PTPRD: variants seen among roughly 807,000 people sequenced by gnomAD.
The protein encoded by PTPRD is protein tyrosine phosphatase receptor type D.
Under a neutral mutation model 214.5 loss-of-function variants are expected in PTPRD, and 34 were observed. The ratio of observed to expected loss-of-function variants is 0.16; its 90% CI spans 0.12 to 0.21. PTPRD has a LOEUF of 0.21. PTPRD is among the 10% of genes least tolerant of loss of function. PTPRD has a pLI of 1.00. For synonymous variants in PTPRD, 1,128 were observed against 845.7 expected, an observed-to-expected ratio of 1.33 and a Z score of -5.79; for missense variants, 2,545 against 2,398.7, an observed-to-expected ratio of 1.06 and a Z score of -1.27.
chr9:9,113,168 G>T (rs1390832331), intron 10 of PTPRD, among the ~76,000 whole-genome samples: 2 of 151,594 alleles, frequency 1.3e-5, no homozygotes, highest in Non-Finnish European at 2.9e-5. Context: ...TAGAGATGGG[G>T]TCTCACTATG....
rs74342779 is a variant in PTPRD, at chr9:8,795,648, T to C, written c.-103-61702A>G. Among the ~76,000 whole-genome samples the C allele has an allele frequency of 6.8e-3, 1,036 of 151,738 alleles. 8 individuals carry two copies. The highest frequency in any genetic ancestry group is 0.023 in the African/African-American group (949 of 41,494). ...ATCATTTATCACTATCTCAGTAATA[T>C]TTTCATCATAGCCCACGTAAGAATA... On this transcript the variant is annotated intron_variant, in intron 11 of 45. Coordinates refer to ENST00000381196, the MANE Select transcript of PTPRD (RefSeq NM_002839.4).
At chr9:10,033,046 C>A (rs2154133559) in intron 4 of PTPRD, among the ~76,000 whole-genome samples, 1 of 151,460 alleles carries the variant, frequency 6.6e-6, no homozygotes, top group Admixed American at 6.6e-5. Context: ...TAACTAATGG[C>A]AACCTGGATG....
chr9:10,226,469 T>C (rs1333991371), intron 3 of PTPRD, among the ~76,000 whole-genome samples: 1 of 151,964 alleles, frequency 6.6e-6, no homozygotes, highest in Non-Finnish European at 1.5e-5. Context: ...GAAACTCTCC[T>C]AGATCCAGAG....
chr9:9,769,929 G>A (rs1021509216), intron 5 of PTPRD, among the ~76,000 whole-genome samples: 3 of 152,106 alleles, frequency 2.0e-5, no homozygotes, highest in African/African-American at 7.2e-5. Flanking sequence ...TCCCTGCAAA[G>A]GACATGAACT....
chr9:8,711,498 A>T (rs2098331942), intron 12 of PTPRD, among the ~76,000 whole-genome samples: 1 of 152,194 alleles, frequency 6.6e-6, no homozygotes, highest in South Asian at 2.1e-4. Context: ...ATCTTATATT[A>T]CTCAAATTAC....
At chr9:10,497,904 G>A (rs117640386) in intron 2 of PTPRD, among the ~76,000 whole-genome samples, 1 of 151,892 alleles carries the variant, frequency 6.6e-6, no homozygotes, top group Non-Finnish European at 1.5e-5. Context: ...TGTGATAGGA[G>A]AACTTTTATG....
intron 8 of PTPRD, among the ~76,000 whole-genome samples, chr9:9,422,104 G>C (rs1162391104): frequency 6.6e-6 from 1 of 152,114 alleles, no homozygotes; most frequent in Non-Finnish European, 1.5e-5. Flanking sequence ...TTTTGAGTGT[G>C]TACTGTGTGA....
At chr9:9,768,637 G>A (rs974486386) in intron 5 of PTPRD, among the ~76,000 whole-genome samples, 1 of 152,022 alleles carries the variant, frequency 6.6e-6, no homozygotes, top group Non-Finnish European at 1.5e-5. Context: ...ATAATTTTAT[G>A]TTCTATGCTT....
intron 3 of PTPRD, among the ~76,000 whole-genome samples, chr9:10,309,554 G>T (rs1229689717): frequency 6.7e-6 from 1 of 149,334 alleles, no homozygotes. Context: ...TAGTAGAGAA[G>T]GGGTTTCACC....
intron 10 of PTPRD, among the ~76,000 whole-genome samples, chr9:9,080,564 T>C (rs777773169): frequency 4.3e-4 from 65 of 152,166 alleles, no homozygotes; most frequent in Non-Finnish European, 6.0e-4. Context: ...CAAGATTACA[T>C]AGCTACAGGC....
At chr9:9,358,434 A>G (rs917880762) in intron 9 of PTPRD, among the ~76,000 whole-genome samples, 2 of 151,358 alleles carry the variant, frequency 1.3e-5, no homozygotes, top group African/African-American at 4.8e-5. Flanking sequence ...TAATACTTTA[A>G]TAAATATTCC....
chr9:9,512,009 T>A (rs1231650172), intron 8 of PTPRD, among the ~76,000 whole-genome samples: 2 of 151,654 alleles, frequency 1.3e-5, no homozygotes, highest in Non-Finnish European at 3.0e-5. Flanking sequence ...CAGAAAAAAA[T>A]CCCATCTAGA....
chr9:10,297,376 T>C (rs1279373954), intron 3 of PTPRD, among the ~76,000 whole-genome samples: 2 of 151,902 alleles, frequency 1.3e-5, no homozygotes, highest in Non-Finnish European at 2.9e-5. Context: ...GCACACCAAG[T>C]GTGGGAGGCA....
intron 3 of PTPRD, among the ~76,000 whole-genome samples, chr9:10,093,772 C>T (rs979900243): frequency 2.0e-5 from 3 of 151,398 alleles, no homozygotes; most frequent in Non-Finnish European, 4.4e-5. Context: ...AGAACAAAAT[C>T]GTGTCCTTTG....
At chr9:10,071,540 G>A (rs1311516966) in intron 3 of PTPRD, among the ~76,000 whole-genome samples, 4 of 151,996 alleles carry the variant, frequency 2.6e-5, no homozygotes, top group Non-Finnish European at 5.9e-5. Context: ...TACCAGAAAT[G>A]GTGCTGAAAT....
At chr9:10,548,319 G>C (rs897678665) in intron 2 of PTPRD, among the ~76,000 whole-genome samples, 4 of 152,014 alleles carry the variant, frequency 2.6e-5, no homozygotes, top group Admixed American at 1.3e-4. Context: ...AGGAGAACTT[G>C]GCTATCAATC....
At chr9:9,616,096 G>A (rs746458500) in intron 7 of PTPRD, among the ~76,000 whole-genome samples, 4 of 152,112 alleles carry the variant, frequency 2.6e-5, no homozygotes, top group Admixed American at 2.6e-4. Context: ...AGCTTTCCTG[G>A]TTCTGCCAAA....
intron 10 of PTPRD, among the ~76,000 whole-genome samples, chr9:9,069,141 T>A (rs1008157187): frequency 6.6e-6 from 1 of 152,204 alleles, no homozygotes; most frequent in Non-Finnish European, 1.5e-5. Flanking sequence ...CTTAAAGGTT[T>A]CTCAAGGTGG....
chr9:9,088,581 GAAAAAAAAAAA>G (rs533619970), intron 10 of PTPRD, among the ~76,000 whole-genome samples: 562 of 33,044 alleles, frequency 0.017, 15 homozygotes, highest in African/African-American at 0.048. Flanking sequence ...CTTAGTCTCA[GAAAAAAAAAAA>G]AAAAAAAAAA....
Sources: gnomAD v4.1 joint callset for allele counts (sites outside exome capture counted in the v4.1 genomes callset) on GRCh38, gnomAD v4.1.1 for gene constraint, MANE v1.5 for transcripts, NCBI Gene and HGNC (gene_info 2026-07-23, HGNC 2026-07-21) for gene names.